Variants in CHSY3 observed in about 807,000 individuals in gnomAD.
CHSY3 encodes the protein chondroitin sulfate synthase 3.
CHSY3 carries 35 observed loss-of-function variants against 67.2 expected under a neutral mutation model. The observed-to-expected ratio is 0.52, with a 90% CI of 0.40 to 0.69. The LOEUF is 0.69. Among genes scored for constraint, CHSY3 ranks in the 30% least tolerant of loss-of-function variants. The probability of loss-of-function intolerance (pLI) is 0.00; values close to 1 mark genes in which losing one functional copy is unlikely to be tolerated. For missense variants in CHSY3, 1,069 were observed against 1,138.5 expected (o/e 0.94, Z 0.88); for synonymous variants, 474 against 434.7 (o/e 1.09, Z -1.12).
At chr5:129,972,158 C>A (rs1762660302) in intron 2 of CHSY3, among the ~76,000 whole-genome samples, 1 of 152,020 alleles carries the variant, frequency 6.6e-6, no homozygotes, top group South Asian at 2.1e-4. Flanking sequence ...CTGTTATTTA[C>A]AGATTAAGTC....
chr5:130,077,021 A>G (rs1376682065), intron 2 of CHSY3, among the ~76,000 whole-genome samples: 1 of 151,692 alleles, frequency 6.6e-6, no homozygotes, highest in East Asian at 1.9e-4. Flanking sequence ...TGGGTGCAGC[A>G]CACCAGCATG....
intron 2 of CHSY3, among the ~76,000 whole-genome samples, chr5:130,167,784 T>G (rs541746856): frequency 1.3e-5 from 2 of 152,248 alleles, no homozygotes; most frequent in East Asian, 3.9e-4. Context: ...TGCAAGAGAT[T>G]TCACTGTTTA....
At chr5:130,106,723 T>C (rs1256552400) in intron 2 of CHSY3, among the ~76,000 whole-genome samples, 1 of 151,586 alleles carries the variant, frequency 6.6e-6, no homozygotes, top group African/African-American at 2.4e-5. Context: ...GTCTCTAAAC[T>C]TAAATTTATA....
intron 2 of CHSY3, among the ~76,000 whole-genome samples, chr5:130,033,096 C>T (rs1338166661): frequency 6.6e-6 from 1 of 152,204 alleles, no homozygotes; most frequent in African/African-American, 2.4e-5. Flanking sequence ...ACACTCCTCA[C>T]AGATGGACAT....
At chr5:130,178,249 A>ATTT (rs1253548592) in intron 2 of CHSY3, among the ~76,000 whole-genome samples, 13 of 68,534 alleles carry the variant, frequency 1.9e-4, no homozygotes, top group African/African-American at 7.2e-4. Flanking sequence ...ATATATATAT[A>ATTT]TATATTTTTT....
chr5:130,165,924 G>A (rs923997983), intron 2 of CHSY3, among the ~76,000 whole-genome samples: 1 of 151,966 alleles, frequency 6.6e-6, no homozygotes, highest in East Asian at 1.9e-4. Context: ...ATTGGAGATG[G>A]TATTCACGTG....
intron 2 of CHSY3, among the ~76,000 whole-genome samples, chr5:130,007,572 C>A (rs1763910113): frequency 6.6e-6 from 1 of 152,144 alleles, no homozygotes; most frequent in Admixed American, 6.5e-5. Flanking sequence ...TTGCCACAGA[C>A]CTCCAGAATC....
intron 2 of CHSY3, among the ~76,000 whole-genome samples, chr5:130,044,282 G>A (rs114904310): frequency 0.013 from 2,051 of 152,148 alleles, 39 homozygotes; most frequent in African/African-American, 0.047. Flanking sequence ...CCAAGAGAGC[G>A]GAGTGTTTCA....
chr5:130,103,871 T>C (rs548785175), intron 2 of CHSY3, among the ~76,000 whole-genome samples: 6 of 152,044 alleles, frequency 3.9e-5, no homozygotes, highest in African/African-American at 1.4e-4. Flanking sequence ...TGATACACAT[T>C]TCTTGAACTA....
intron 2 of CHSY3, among the ~76,000 whole-genome samples, chr5:130,064,917 T>G (rs549869767): frequency 6.6e-6 from 1 of 152,306 alleles, no homozygotes; most frequent in Admixed American, 6.5e-5. Flanking sequence ...GGGGGAATAC[T>G]TTTATTGTGA....
At chr5:129,941,042 G>T (rs1371274976) in intron 2 of CHSY3, among the ~76,000 whole-genome samples, 2 of 151,982 alleles carry the variant, frequency 1.3e-5, no homozygotes, top group Non-Finnish European at 2.9e-5. Context: ...AACATAGGTA[G>T]AGCCTGTCTC....
intron 2 of CHSY3, among the ~76,000 whole-genome samples, chr5:130,128,483 G>T (rs1206061180): frequency 2.6e-5 from 4 of 151,980 alleles, no homozygotes; most frequent in Non-Finnish European, 4.4e-5. Context: ...TAATATAGGA[G>T]CAAGTAGAAT....
At chr5:129,945,666 G>C (rs1475019160) in intron 2 of CHSY3, among the ~76,000 whole-genome samples, 3 of 152,134 alleles carry the variant, frequency 2.0e-5, no homozygotes, top group African/African-American at 7.2e-5. Context: ...AGTATGGAAG[G>C]AGACAGACGG....
chr5:130,051,363 G>T (rs151093836), intron 2 of CHSY3, among the ~76,000 whole-genome samples: 2 of 152,124 alleles, frequency 1.3e-5, no homozygotes, highest in East Asian at 3.9e-4. Context: ...TTTAAAGACT[G>T]CCTATCTGTC....
chr5:130,043,020 T>G (rs547822580), intron 2 of CHSY3, among the ~76,000 whole-genome samples: 1 of 152,134 alleles, frequency 6.6e-6, no homozygotes, highest in African/African-American at 2.4e-5. Context: ...AGCTGGAAAT[T>G]TTTGCAAAGT....
At chr5:130,005,720 G>C (rs569277789) in intron 2 of CHSY3, among the ~76,000 whole-genome samples, 2 of 152,100 alleles carry the variant, frequency 1.3e-5, no homozygotes, top group Non-Finnish European at 2.9e-5. Context: ...TCTGCAGTGA[G>C]GCAATAATGA....
At chr5:130,087,953 C>G (rs1766713688) in intron 2 of CHSY3, among the ~76,000 whole-genome samples, 1 of 152,086 alleles carries the variant, frequency 6.6e-6, no homozygotes, top group African/African-American at 2.4e-5. Context: ...CATCACACTA[C>G]CTGACTTCAA....
chr5:129,945,511 G>C (rs368593234), intron 2 of CHSY3, among the ~76,000 whole-genome samples: 13 of 98,186 alleles, frequency 1.3e-4, no homozygotes, highest in African/African-American at 5.7e-4. Flanking sequence ...CATAAACATT[G>C]ACTTTATATA....
chr5:129,962,161 C>T (rs1322330901), intron 2 of CHSY3, among the ~76,000 whole-genome samples: 2 of 151,978 alleles, frequency 1.3e-5, no homozygotes, highest in Non-Finnish European at 2.9e-5. Flanking sequence ...TCAAAAGAAT[C>T]ATTCCAATCA....
Sources: allele counts gnomAD v4.1 joint callset (sites outside exome capture counted in the v4.1 genomes callset), GRCh38; gene constraint gnomAD v4.1.1; transcripts MANE v1.5; gene names NCBI Gene and HGNC (gene_info 2026-07-23, HGNC 2026-07-21).